ARHGAP31: variants seen among roughly 807,000 people sequenced by gnomAD.
ARHGAP31 encodes the protein Rho GTPase activating protein 31, also known as rho GTPase-activating protein 31.
Under a neutral mutation model 113.9 loss-of-function variants are expected in ARHGAP31, and 34 were observed. The observed-to-expected ratio is 0.30, with a 90% CI of 0.23 to 0.40. ARHGAP31 has a LOEUF of 0.40. Ranked by LOEUF, ARHGAP31 falls within the 10% of genes least tolerant of loss-of-function variation. The pLI is 1.00. For synonymous variants in ARHGAP31, 650 were observed against 684.8 expected, an observed-to-expected ratio of 0.95 and a Z score of 0.79; for missense variants, 1,548 against 1,767.1, an observed-to-expected ratio of 0.88 and a Z score of 2.22.
intron 3 of ARHGAP31, among the ~76,000 whole-genome samples, chr3:119,369,397 T>A (rs1427318218): frequency 1.3e-5 from 2 of 152,162 alleles, no homozygotes; most frequent in African/African-American, 4.8e-5. Context: ...AGTGTAAAAG[T>A]AGATCATCCC....
At chr3:119,305,991 A>G (rs1479696904) in intron 1 of ARHGAP31, among the ~76,000 whole-genome samples, 1 of 152,142 alleles carries the variant, frequency 6.6e-6, no homozygotes, top group Non-Finnish European at 1.5e-5. Context: ...TAGTAACTCT[A>G]AAGACAATTT....
chr3:119,310,213 A>C (rs184631625), intron 1 of ARHGAP31, among the ~76,000 whole-genome samples: 22 of 152,342 alleles, frequency 1.4e-4, no homozygotes, highest in Non-Finnish European at 2.9e-4. Flanking sequence ...CAGGGAGCCC[A>C]GGCTCAGTCT....
At chr3:119,356,763 A>G (rs755736263) in intron 1 of ARHGAP31, among the ~76,000 whole-genome samples, 12 of 152,358 alleles carry the variant, frequency 7.9e-5, no homozygotes, top group Middle Eastern at 3.4e-3. Context: ...GTGACCACAT[A>G]GTATTCCACT....
chr3:119,390,545 A>G (rs1034739525), intron 6 of ARHGAP31, among the ~76,000 whole-genome samples: 1 of 152,184 alleles, frequency 6.6e-6, no homozygotes, highest in Non-Finnish European at 1.5e-5. Flanking sequence ...CCTCTCTGAA[A>G]AGTATGGAAG....
At chr3:119,354,299 C>T (rs543287836) in intron 1 of ARHGAP31, among the ~76,000 whole-genome samples, 20 of 152,216 alleles carry the variant, frequency 1.3e-4, no homozygotes, top group Non-Finnish European at 1.6e-4. Flanking sequence ...CCTCCATCTT[C>T]CTAAATGAAA....
At chr3:119,338,200 A>C (rs1289824112) in intron 1 of ARHGAP31, among the ~76,000 whole-genome samples, 4 of 152,112 alleles carry the variant, frequency 2.6e-5, no homozygotes, top group African/African-American at 9.7e-5. Context: ...TTACTTGGAG[A>C]ACTCCTACTC....
intron 8 of ARHGAP31, 23 bp from the exon 9 acceptor site, chr3:119,399,176 G>T (rs199940037): frequency 1.2e-6 from 2 of 1,607,810 alleles, no homozygotes; most frequent in Admixed American, 1.7e-5. Flanking sequence ...ATTCATCAAG[G>T]ATATTTTTTC....
intron 1 of ARHGAP31, among the ~76,000 whole-genome samples, chr3:119,359,016 A>C (rs1296028490): frequency 6.7e-6 from 1 of 149,580 alleles, no homozygotes; most frequent in African/African-American, 2.4e-5. Flanking sequence ...TTTGTTTTTA[A>C]CTTTTTTTTT....
intron 6 of ARHGAP31, 102 bp downstream of exon 6, chr3:119,383,328 G>A (rs1389423931): frequency 1.1e-5 from 16 of 1,468,892 alleles, no homozygotes; most frequent in Non-Finnish European, 1.4e-5. Context: ...TTCTAGCTCT[G>A]AGTGTTGGCT....
chr3:119,414,153 G>C lies in ARHGAP31; in HGVS notation c.2224G>C (p.Glu742Gln). ...TAASREKPEP[E>Q]QGLHPDLASL... ...AGCCAGCAGAGAGAAGCCGGAACCT[G>C]AGCAGGGCCTGCACCCAGACCTCGC... Residue 742 changes from glutamate (E) to glutamine (Q), a missense_variant, in exon 12 of 12, where the codon GAG becomes CAG. By Grantham distance (29) the Glu-to-Gln change is conservative. Transcript: ENST00000264245. 6.2e-7 allele frequency: 1 copy of C among 1,614,160 alleles called. No homozygotes were observed. Among genetic ancestry groups the C allele is most frequent in the Non-Finnish European group, 8.5e-7 (1 of 1,180,032 alleles).
intron 6 of ARHGAP31, among the ~76,000 whole-genome samples, chr3:119,387,078 G>T (rs2080458093): frequency 6.6e-6 from 1 of 151,284 alleles, no homozygotes; most frequent in South Asian, 2.1e-4. Flanking sequence ...TGGAGGAGCA[G>T]GGTCTTCTCT....
intron 1 of ARHGAP31, among the ~76,000 whole-genome samples, chr3:119,357,168 G>T (rs1044561375): frequency 6.6e-6 from 1 of 152,232 alleles, no homozygotes; most frequent in African/African-American, 2.4e-5. Flanking sequence ...GTGCCACAAA[G>T]GGAGGAGGCA....
intron 8 of ARHGAP31, among the ~76,000 whole-genome samples, chr3:119,394,785 T>C (rs1468717321): frequency 2.0e-5 from 3 of 151,644 alleles, no homozygotes; most frequent in Non-Finnish European, 4.4e-5. Flanking sequence ...CAAAACCACA[T>C]CTCTAAAAAA....
intron 1 of ARHGAP31, among the ~76,000 whole-genome samples, chr3:119,362,807 G>A (rs2080221196): frequency 6.6e-6 from 1 of 151,224 alleles, no homozygotes; most frequent in African/African-American, 2.4e-5. Flanking sequence ...GTAGAGATGA[G>A]TTTTGACCTG....
At chr3:119,401,673 A>T in intron 9 of ARHGAP31, 149 bp from the exon 10 acceptor site, 1 of 746,726 alleles carries the variant, frequency 1.3e-6, no homozygotes, top group Non-Finnish European at 2.4e-6. Context: ...TGTCATCCAG[A>T]TGTTACCTGT....
chr3:119,327,153 A>C (rs1215800247), intron 1 of ARHGAP31, among the ~76,000 whole-genome samples: 1 of 151,880 alleles, frequency 6.6e-6, no homozygotes, highest in East Asian at 1.9e-4. Flanking sequence ...AACAGAAGCA[A>C]AACCAAAAAC....
chr3:119,372,081 C>A (rs549727085), intron 3 of ARHGAP31, among the ~76,000 whole-genome samples: 2 of 152,042 alleles, frequency 1.3e-5, no homozygotes, highest in Non-Finnish European at 2.9e-5. Context: ...CGTGTGCATG[C>A]GTCTTACGGT....
chr3:119,380,858 C>T (rs377580895), intron 3 of ARHGAP31, 46 bp from the exon 4 acceptor site: 9 of 1,539,956 alleles, frequency 5.8e-6, no homozygotes, highest in Non-Finnish European at 6.3e-6. Flanking sequence ...GATGGCTGTC[C>T]CTGCTCTCAA....
Position 119,383,385 on chromosome 3 carries a change from T to C in ARHGAP31, c.682+159T>C, listed in dbSNP as rs1269907384. Among the ~76,000 whole-genome samples, 4 of 152,212 alleles carry C rather than the reference T, an allele frequency of 2.6e-5. No individual in the cohort carries two copies. The East Asian group carries it at 7.7e-4, about 29-fold the overall frequency. On this transcript the variant is annotated intron_variant, in intron 6 of 11. Coordinates refer to ENST00000264245, the MANE Select transcript of ARHGAP31 (RefSeq NM_020754.4). ...TGTCAGTGTCTGAGGATCGTGCATA[T>C]ATACATCTGTAAATGTGGAGTGAAG...
Sources: allele counts gnomAD v4.1 joint callset (sites outside exome capture counted in the v4.1 genomes callset), GRCh38; gene constraint gnomAD v4.1.1; transcripts MANE v1.5; gene names NCBI Gene and HGNC (gene_info 2026-07-23, HGNC 2026-07-21).